Variants in SUN1 observed in about 807,000 individuals in gnomAD.
The protein encoded by SUN1 is Sad1 and UNC84 domain containing 1.
In SUN1, 61 loss-of-function variants were observed where a neutral mutation model predicts 103.2. The observed-to-expected ratio is 0.59, with a 90% confidence interval of 0.48 to 0.73. The LOEUF is 0.73. Among genes scored for constraint, SUN1 ranks in the 30% least tolerant of loss-of-function variants. The pLI is 0.00. For synonymous variants in SUN1, 490 were observed against 425.7 expected (o/e 1.15, Z -1.86); for missense variants, 1,052 against 1,034.6 (o/e 1.02, Z -0.23).
At chr7:872,111 G>C (rs1247321783) in intron 17 of SUN1, among the ~76,000 whole-genome samples, 2 of 152,166 alleles carry the variant, frequency 1.3e-5, no homozygotes, top group Non-Finnish European at 1.5e-5. Context: ...GGCTCAGCAG[G>C]TGCTCCAGAG....
intron 13 of SUN1, among the ~76,000 whole-genome samples, chr7:859,870 C>T (rs1402496693): frequency 6.6e-6 from 1 of 152,200 alleles, no homozygotes; most frequent in Non-Finnish European, 1.5e-5. Flanking sequence ...AGGGTGTGGA[C>T]ATGCCCCACT....
intron 14 of SUN1, 132 bp downstream of exon 14, chr7:860,514 A>C: frequency 6.9e-7 from 1 of 1,444,950 alleles, no homozygotes; most frequent in Non-Finnish European, 9.3e-7. Flanking sequence ...TAGCTGACGT[A>C]AGTGAGATGA....
intron 5 of SUN1, among the ~76,000 whole-genome samples, chr7:847,369 T>C (rs1468068735): frequency 6.7e-6 from 1 of 148,532 alleles, no homozygotes; most frequent in Non-Finnish European, 1.5e-5. Flanking sequence ...TGGGATCTCC[T>C]GGGGGTTACT....
chr7:832,622 G>T (rs777776669), intron 1 of SUN1, 21 bp downstream of exon 1: 265 of 1,600,454 alleles, frequency 1.7e-4, no homozygotes, highest in Non-Finnish European at 2.2e-4. Flanking sequence ...ACCTGCACGT[G>T]GGGTCCTGGC....
chr7:817,906 A>G (rs1782340457), intron 1 of SUN1, among the ~76,000 whole-genome samples: 1 of 151,924 alleles, frequency 6.6e-6, no homozygotes, highest in Non-Finnish European at 1.5e-5. Flanking sequence ...TCTTTCTCCC[A>G]TTTAATGTTT....
chr7:855,842 A>G (rs1584967347), intron 11 of SUN1, among the ~76,000 whole-genome samples: 1 of 145,800 alleles, frequency 6.9e-6, no homozygotes, highest in Non-Finnish European at 1.5e-5. Context: ...TGTCCGCCCA[A>G]GAGGGTCCGC....
At chr7:856,424 C>T in intron 12 of SUN1, 23 bp downstream of exon 12, 1 of 1,613,798 alleles carries the variant, frequency 6.2e-7, no homozygotes, top group Non-Finnish European at 8.5e-7. Context: ...GGAAAACATT[C>T]ACTTTTGTCT....
chr7:824,263 G>C (rs1162164811), intron 1 of SUN1, among the ~76,000 whole-genome samples: 1 of 152,202 alleles, frequency 6.6e-6, no homozygotes, highest in Non-Finnish European at 1.5e-5. Flanking sequence ...GATAATTAAG[G>C]AAATGCACAT....
chr7:841,875 G>T, intron 2 of SUN1, 71 bp from the exon 3 acceptor site: 2 of 1,510,304 alleles, frequency 1.3e-6, no homozygotes, highest in Non-Finnish European at 1.8e-6. Context: ...AAGAGTTTGT[G>T]TTGGTCAAAT....
At chr7:841,904 C>T (rs773479778) in intron 2 of SUN1, 42 bp from the exon 3 acceptor site, 15 of 1,594,186 alleles carry the variant, frequency 9.4e-6, no homozygotes, top group Middle Eastern at 1.7e-4. Context: ...TTTGTATTTG[C>T]TAGAAAAGAT....
chr7:856,542 GAC>G (rs1247542630), intron 12 of SUN1, 141 bp downstream of exon 12: 1 of 884,886 alleles, frequency 1.1e-6, no homozygotes, highest in East Asian at 2.6e-5. Flanking sequence ...CGTGCCGACA[GAC>G]ACTCCTGCTG....
At chr7:832,419 G>A, upstream of SUN1, 1 of 1,125,874 alleles carries the variant, frequency 8.9e-7, no homozygotes, top group Non-Finnish European at 1.3e-6. Context: ...TGAGTTGCGT[G>A]TAGGCAGCTC....
intron 17 of SUN1, among the ~76,000 whole-genome samples, 192 bp from the exon 18 acceptor site, chr7:872,278 A>G (rs752652930): frequency 1.3e-5 from 2 of 152,138 alleles, no homozygotes; most frequent in South Asian, 2.1e-4. Context: ...CGTGGGTTAC[A>G]TGAAGCCCTC....
chr7:849,938 G>A (rs752620740), intron 5 of SUN1: 6 of 1,598,404 alleles, frequency 3.8e-6, no homozygotes, highest in Non-Finnish European at 5.1e-6. Flanking sequence ...GACTGTAAGG[G>A]CAAGAGGCAC....
At chr7:837,274 C>T (rs768001889) in intron 1 of SUN1, among the ~76,000 whole-genome samples, 10 of 152,136 alleles carry the variant, frequency 6.6e-5, no homozygotes, top group Admixed American at 1.3e-4. Context: ...AGGGCACAGC[C>T]GTCACACTCT....
chr7:849,609 T>C, intron 5 of SUN1: 1 of 1,482,750 alleles, frequency 6.7e-7, no homozygotes, highest in Non-Finnish European at 9.1e-7. Flanking sequence ...GCTGTGTAAG[T>C]ATGGCTTCGT....
In SUN1 at chr7:838,947, G is replaced by C. The variant is rs149038179; in HGVS notation, c.227G>C (p.Gly76Ala). ...GGTGAGGCTGTGGGTGCCGACAGCG[G>C]CACCAGCAGCGCTGTCTCCCTGAAG... is the stretch of plus-strand genomic sequence containing the variant. ...GDGEAVGADS[G>A]TSSAVSLKNR... Residue 76 changes from glycine to alanine, a missense_variant, in exon 2 of 19, where the codon GGC becomes GCC. By Grantham distance (60) the Gly-to-Ala change is moderately conservative. This residue lies in a region of SUN1 where 846 missense variants were observed against 774.5 expected (regional missense o/e 1.09). Coordinates refer to ENST00000401592, the MANE Select transcript of SUN1 (RefSeq NM_001130965.3). 312 of 1,607,314 alleles carry C rather than the reference G, an allele frequency of 1.9e-4. 3 individuals carry two copies. The East Asian group carries it at 6.6e-3, about 34-fold the overall frequency.
chr7:850,448 C>A, intron 5 of SUN1: 1 of 159,668 alleles, frequency 6.3e-6, no homozygotes, highest in Non-Finnish European at 1.4e-5. Context: ...ATCTGCCTGC[C>A]TCGGCCTCCC....
At chr7:840,225 C>T (rs555408326) in intron 2 of SUN1, among the ~76,000 whole-genome samples, 102 of 152,358 alleles carry the variant, frequency 6.7e-4, no homozygotes, top group African/African-American at 2.4e-3. Context: ...AGGGAGTTCA[C>T]TGCGCAAAGA....
Sources: allele counts gnomAD v4.1 joint callset (sites outside exome capture counted in the v4.1 genomes callset), GRCh38; gene constraint gnomAD v4.1.1; regional missense constraint gnomAD v4.1.1; transcripts MANE v1.5; gene names NCBI Gene and HGNC (gene_info 2026-07-23, HGNC 2026-07-21).